The following CPEB3 variants were observed in gnomAD, a reference collection of about 807,000 sequenced individuals.
CPEB3 encodes cytoplasmic polyadenylation element-binding protein 3.
In CPEB3, 20 loss-of-function variants were observed where a neutral mutation model predicts 67.2. The observed-to-expected ratio is 0.30, with a 90% CI of 0.21 to 0.43. The LOEUF (loss-of-function observed/expected upper bound fraction) is 0.43, where lower values mean the gene tolerates loss of function less well. Among genes scored for constraint, CPEB3 ranks in the 20% least tolerant of loss-of-function variants. CPEB3 has a pLI of 1.00. For missense variants in CPEB3, 746 were observed against 968.6 expected (o/e 0.77, Z 3.05); for synonymous variants, 376 against 393.1 (o/e 0.96, Z 0.51).
intron 6 of CPEB3, among the ~76,000 whole-genome samples, chr10:92,115,559 T>C (rs1844979472): frequency 6.6e-6 from 1 of 152,216 alleles, no homozygotes; most frequent in Admixed American, 6.5e-5. Context: ...GTAATATGAA[T>C]GTTGATGACT....
chr10:92,095,137 G>A (rs1039854591), intron 7 of CPEB3, among the ~76,000 whole-genome samples: 1 of 151,980 alleles, frequency 6.6e-6, no homozygotes, highest in African/African-American at 2.4e-5. Context: ...TTTCATTACT[G>A]CCTACTGCCT....
chr10:92,135,948 G>A (rs1239426838), intron 6 of CPEB3, among the ~76,000 whole-genome samples: 1 of 151,594 alleles, frequency 6.6e-6, no homozygotes, highest in Non-Finnish European at 1.5e-5. Context: ...ACTCATAGGT[G>A]GGAATTGAAC....
At chr10:92,209,589 G>A (rs1236540961) in intron 2 of CPEB3, among the ~76,000 whole-genome samples, 1 of 152,048 alleles carries the variant, frequency 6.6e-6, no homozygotes, top group Non-Finnish European at 1.5e-5. Flanking sequence ...CAAGAAGACT[G>A]GTAGTATGAT....
At chr10:92,280,806 C>G (rs1400021997) in intron 1 of CPEB3, among the ~76,000 whole-genome samples, 2 of 123,638 alleles carry the variant, frequency 1.6e-5, no homozygotes, top group African/African-American at 3.3e-5. Context: ...GTCGCCCAGG[C>G]TGGAGTACAG....
chr10:92,157,715 A>G (rs1258442022), intron 4 of CPEB3, among the ~76,000 whole-genome samples: 1 of 152,166 alleles, frequency 6.6e-6, no homozygotes, highest in African/African-American at 2.4e-5. Context: ...AGTTGTATGA[A>G]AAGAACACAA....
intron 9 of CPEB3, among the ~76,000 whole-genome samples, chr10:92,072,068 C>T (rs1842774044): frequency 6.6e-6 from 1 of 152,104 alleles, no homozygotes; most frequent in Non-Finnish European, 1.5e-5. Flanking sequence ...TTAATCCTAA[C>T]CTGTATTTCA....
intron 9 of CPEB3, among the ~76,000 whole-genome samples, chr10:92,073,163 G>A (rs1018341463): frequency 5.4e-5 from 8 of 149,284 alleles, no homozygotes; most frequent in Non-Finnish European, 7.4e-5. Context: ...CCAGTCTCCC[G>A]GGTAGCTGTG....
intron 2 of CPEB3, among the ~76,000 whole-genome samples, chr10:92,223,567 CTTTTTT>C (rs903904452): frequency 3.6e-4 from 30 of 84,200 alleles, no homozygotes; most frequent in Middle Eastern, 0.011. Flanking sequence ...CTAATTATTT[CTTTTTT>C]TTTTTTTTTT....
chr10:92,096,395 C>T (rs1048358674), intron 7 of CPEB3, among the ~76,000 whole-genome samples: 4 of 152,014 alleles, frequency 2.6e-5, no homozygotes, highest in Non-Finnish European at 5.9e-5. Context: ...GAACCAATCC[C>T]TTATGCAAAC....
At chr10:92,058,059 A>G (rs1272346654) in intron 9 of CPEB3, among the ~76,000 whole-genome samples, 2 of 152,086 alleles carry the variant, frequency 1.3e-5, no homozygotes, top group Non-Finnish European at 2.9e-5. Flanking sequence ...ACTAGCATCA[A>G]CACCATCCAG....
At chr10:92,250,858 ATTTTT>A (rs1211646953) in intron 1 of CPEB3, among the ~76,000 whole-genome samples, 4 of 104,120 alleles carry the variant, frequency 3.8e-5, no homozygotes, top group South Asian at 6.0e-4. Flanking sequence ...CACACAGTTA[ATTTTT>A]TTTTTTTTTT....
intron 1 of CPEB3, among the ~76,000 whole-genome samples, chr10:92,266,092 AC>A (rs1853045028): frequency 6.6e-6 from 1 of 152,194 alleles, no homozygotes; most frequent in Admixed American, 6.5e-5. Context: ...TGCAGTCTCC[AC>A]CAGCAAGAAG....
chr10:92,052,588 T>C (rs1292384589), intron 9 of CPEB3, 149 bp from the exon 10 acceptor site: 6 of 650,422 alleles, frequency 9.2e-6, no homozygotes, highest in African/African-American at 7.3e-5. Context: ...GTTGAGAGCA[T>C]GGGCTTTGGA....
intron 6 of CPEB3, among the ~76,000 whole-genome samples, chr10:92,141,687 T>C (rs60017701): frequency 0.1 from 15,653 of 149,888 alleles, 2,699 homozygotes; most frequent in African/African-American, 0.36. Context: ...CTGGAATTAT[T>C]CATATGGTTA....
At chr10:92,134,457 G>A (rs1590211129) in intron 6 of CPEB3, among the ~76,000 whole-genome samples, 1 of 151,702 alleles carries the variant, frequency 6.6e-6, no homozygotes, top group Non-Finnish European at 1.5e-5. Flanking sequence ...AACTTACAAG[G>A]GATGTGAAGG....
intron 2 of CPEB3, among the ~76,000 whole-genome samples, chr10:92,194,086 G>A (rs757080787): frequency 1.3e-5 from 2 of 149,524 alleles, no homozygotes; most frequent in African/African-American, 4.9e-5. Context: ...GTGAGACACC[G>A]CGCCCGGCCT....
intron 2 of CPEB3, among the ~76,000 whole-genome samples, chr10:92,226,195 G>A (rs748936522): frequency 2.6e-5 from 4 of 152,092 alleles, no homozygotes; most frequent in Non-Finnish European, 4.4e-5. Flanking sequence ...TTTCAAAATC[G>A]GAAAAACTCC....
intron 1 of CPEB3, among the ~76,000 whole-genome samples, chr10:92,256,354 C>T (rs1309093345): frequency 6.6e-6 from 1 of 151,858 alleles, no homozygotes; most frequent in Non-Finnish European, 1.5e-5. Context: ...TCTCCAATAA[C>T]TTTTCCCTTG....
intron 6 of CPEB3, among the ~76,000 whole-genome samples, chr10:92,128,760 T>G (rs972756431): frequency 6.6e-6 from 1 of 152,134 alleles, no homozygotes; most frequent in Non-Finnish European, 1.5e-5. Flanking sequence ...ATATCGCTGA[T>G]CATTAGAGAA....
Sources: allele counts gnomAD v4.1 joint callset (sites outside exome capture counted in the v4.1 genomes callset), GRCh38; gene constraint gnomAD v4.1.1; transcripts MANE v1.5; gene names NCBI Gene and HGNC (gene_info 2026-07-23, HGNC 2026-07-21).